SYNJ2BP: variants seen among roughly 807,000 people sequenced by gnomAD.
SYNJ2BP encodes the protein synaptojanin 2 binding protein.
In SYNJ2BP, 10 loss-of-function variants were observed where a neutral mutation model predicts 16.9. The observed-to-expected ratio is 0.59, with a 90% CI of 0.36 to 1.00. The LOEUF (loss-of-function observed/expected upper bound fraction) is 1.00. Among genes scored for constraint, SYNJ2BP ranks in the 50% least tolerant of loss-of-function variants. The probability of loss-of-function intolerance (pLI) is 0.01; values close to 1 mark genes in which losing one functional copy is unlikely to be tolerated. For missense variants in SYNJ2BP, 162 were observed against 186.7 expected, an observed-to-expected ratio of 0.87 and a Z score of 0.77; for synonymous variants, 54 against 68.4, an observed-to-expected ratio of 0.79 and a Z score of 1.04.
chr14:70,394,718 C>T (rs1888053925), intron 1 of SYNJ2BP, among the ~76,000 whole-genome samples: 1 of 152,066 alleles, frequency 6.6e-6, no homozygotes, highest in Non-Finnish European at 1.5e-5. Flanking sequence ...GGTCTGGACC[C>T]TAAGCCTGTT....
In SYNJ2BP at chr14:70,368,426, C is replaced by CGTTTGTT. The variant is rs1887442270; in HGVS notation, c.*4564_*4565insAACAAAC. ...ACAGAAAGGTCACTTCTGCAACAAA[C>CGTTTGTT]TAAGTCTGATCAGAGTTAAGTTAGC... On this transcript the variant is annotated 3_prime_UTR_variant, in exon 4 of 4. Transcript: ENST00000256366. 6.6e-6 allele frequency: 1 copy of CGTTTGTT among 152,226 alleles called. No individual in the cohort carries two copies. The highest frequency in any genetic ancestry group is 2.4e-5 in the African/African-American group (1 of 41,458). The allele number at this position is 152,226 out of a possible 1,614,324, so 9.4% of individuals were successfully genotyped here. A position where few individuals can be genotyped will look rare whatever the true frequency, so the allele number is the denominator to read the frequency against.
chr14:70,399,577 C>A (rs1354960584), intron 1 of SYNJ2BP, among the ~76,000 whole-genome samples: 1 of 151,436 alleles, frequency 6.6e-6, no homozygotes, highest in Non-Finnish European at 1.5e-5. Flanking sequence ...AGGGGACCCA[C>A]CACTGCCATT....
intron 1 of SYNJ2BP, among the ~76,000 whole-genome samples, chr14:70,399,039 C>T (rs61977555): frequency 0.069 from 10,480 of 152,222 alleles, 411 homozygotes; most frequent in Middle Eastern, 0.12. Context: ...GGGGATGCGG[C>T]CCCGCGGAGG....
chr14:70,414,539 A>G (rs1888560983), intron 1 of SYNJ2BP, among the ~76,000 whole-genome samples: 4 of 152,206 alleles, frequency 2.6e-5, no homozygotes, highest in Admixed American at 6.5e-5. Context: ...CTGAATTTTA[A>G]AAAGATTTCA....
At chr14:70,409,583 T>G (rs1425347449) in intron 1 of SYNJ2BP, among the ~76,000 whole-genome samples, 1 of 152,228 alleles carries the variant, frequency 6.6e-6, no homozygotes, top group Non-Finnish European at 1.5e-5. Flanking sequence ...GAAAAGATCT[T>G]AATACTGATC....
chr14:70,374,676 T>C (rs1199227116), intron 3 of SYNJ2BP, among the ~76,000 whole-genome samples: 2 of 152,162 alleles, frequency 1.3e-5, no homozygotes, highest in East Asian at 3.9e-4. Context: ...GGAGTTCTCC[T>C]ATGAACACTA....
intron 3 of SYNJ2BP, among the ~76,000 whole-genome samples, chr14:70,374,955 T>TTAC (rs1432523913): frequency 6.0e-5 from 9 of 150,530 alleles, no homozygotes; most frequent in Non-Finnish European, 8.9e-5. Context: ...ATTTTTATTA[T>TTAC]TATTTTTTTA....
chr14:70,390,641 C>T (rs549503135), intron 1 of SYNJ2BP, among the ~76,000 whole-genome samples: 1 of 151,214 alleles, frequency 6.6e-6, no homozygotes, highest in South Asian at 2.1e-4. Context: ...GCACTCCAGC[C>T]TGGGCGACAG....
At chr14:70,413,525 G>C (rs1888534888) in intron 1 of SYNJ2BP, among the ~76,000 whole-genome samples, 1 of 152,218 alleles carries the variant, frequency 6.6e-6, no homozygotes, top group South Asian at 2.1e-4. Flanking sequence ...TGTAATCCCA[G>C]CTACACAGGA....
intron 1 of SYNJ2BP, among the ~76,000 whole-genome samples, chr14:70,398,659 C>G (rs1216064417): frequency 6.6e-6 from 1 of 152,174 alleles, no homozygotes; most frequent in African/African-American, 2.4e-5. Flanking sequence ...GCAGGGGGAA[C>G]CTTCCTGGGC....
At position 70,376,043 on chromosome 14, in the gene SYNJ2BP, C is replaced by T. The variant is rs975078819; in HGVS notation, c.202-272G>A. Among the ~76,000 whole-genome samples, 9 of 152,202 alleles carry T rather than the reference C, an allele frequency of 5.9e-5. 1 individual carries two copies. The highest frequency in any genetic ancestry group is 4.1e-4 in the South Asian group (2 of 4,824). On this transcript the variant is annotated intron_variant, in intron 2 of 3. Coordinates refer to ENST00000256366, the MANE Select transcript of SYNJ2BP (RefSeq NM_018373.3). ...TTCCTCTTAGCTTCTATGCCTGTCTCGTTTTGACACTTGGGAATCTGTTAC... is the reference window on the plus strand; with the variant it reads ...TTCCTCTTAGCTTCTATGCCTGTCTTGTTTTGACACTTGGGAATCTGTTAC...
At chr14:70,376,397 C>T (rs975046338) in intron 2 of SYNJ2BP, among the ~76,000 whole-genome samples, 5 of 152,172 alleles carry the variant, frequency 3.3e-5, no homozygotes, top group Admixed American at 2.0e-4. Flanking sequence ...AAAAAAATTT[C>T]AGTGTAGGTC....
At chr14:70,399,316 G>A (rs889685571) in intron 1 of SYNJ2BP, among the ~76,000 whole-genome samples, 21 of 152,284 alleles carry the variant, frequency 1.4e-4, no homozygotes, top group African/African-American at 4.6e-4. Flanking sequence ...GCCCCATAGC[G>A]CAGCCCCCAG....
chr14:70,398,036 A>C (rs139166166), intron 1 of SYNJ2BP, among the ~76,000 whole-genome samples: 1 of 50,386 alleles, frequency 2.0e-5, no homozygotes, highest in Admixed American at 2.4e-4. Flanking sequence ...TGAGTGTTCA[A>C]CTCTCAGCAG....
At position 70,372,873 on chromosome 14, in the gene SYNJ2BP, G is replaced by C; in HGVS notation, c.*118C>G. 1 of 1,425,000 alleles carries C rather than the reference G, an allele frequency of 7.0e-7. No homozygotes were observed. The highest frequency in any genetic ancestry group is 9.5e-7 in the Non-Finnish European group (1 of 1,052,778). The allele number at this position is 1,425,000 out of a possible 1,614,324, so 88.3% of individuals were successfully genotyped here. ...GACTGTGAACAGCAAGGTTTGGGGT[G>C]GGTATCAGTCACTTCAAATCTGGCT... is the stretch of plus-strand genomic sequence containing the variant. On this transcript the variant is annotated 3_prime_UTR_variant, in exon 4 of 4. Coordinates refer to ENST00000256366, the MANE Select transcript of SYNJ2BP (RefSeq NM_018373.3).
intron 2 of SYNJ2BP, among the ~76,000 whole-genome samples, chr14:70,382,428 T>C (rs749303256): frequency 7.9e-5 from 12 of 152,228 alleles, no homozygotes; most frequent in Non-Finnish European, 1.6e-4. Flanking sequence ...TTAAAAGGTC[T>C]GAAAAACACT....
At chr14:70,412,445 T>A (rs1012519070) in intron 1 of SYNJ2BP, among the ~76,000 whole-genome samples, 2 of 150,828 alleles carry the variant, frequency 1.3e-5, no homozygotes, top group Admixed American at 1.3e-4. Flanking sequence ...GCTGTGAAGA[T>A]TAAATGAGTA....
chr14:70,401,708 G>GCA (rs1161056641), intron 1 of SYNJ2BP, among the ~76,000 whole-genome samples: 1 of 151,872 alleles, frequency 6.6e-6, no homozygotes, highest in Non-Finnish European at 1.5e-5. Flanking sequence ...GAGTGCAGTG[G>GCA]CACAGCTCAC....
At chr14:70,415,628 AT>A (rs1163119126) in intron 1 of SYNJ2BP, among the ~76,000 whole-genome samples, 1 of 107,300 alleles carries the variant, frequency 9.3e-6, no homozygotes, top group African/African-American at 3.6e-5. Context: ...TGAAAGTTAT[AT>A]TTTATAAAGA....
Sources: allele counts gnomAD v4.1 joint callset (sites outside exome capture counted in the v4.1 genomes callset), GRCh38; gene constraint gnomAD v4.1.1; transcripts MANE v1.5; gene names NCBI Gene and HGNC (gene_info 2026-07-23, HGNC 2026-07-21).